ATG16L2: variants seen among roughly 807,000 people sequenced by gnomAD.
ATG16L2 encodes protein Atg16l2.
Under a neutral mutation model 84.7 loss-of-function variants are expected in ATG16L2, and 77 were observed. That is an observed-to-expected ratio of 0.91 (90% CI 0.76 to 1.10). The LOEUF is 1.10. ATG16L2 is among the 50% of genes least tolerant of loss of function. The probability of loss-of-function intolerance (pLI) is 0.00; values close to 1 mark genes in which losing one functional copy is unlikely to be tolerated. For missense variants in ATG16L2, 782 were observed against 817.6 expected, an observed-to-expected ratio of 0.96 and a Z score of 0.53; for synonymous variants, 361 against 342.8, an observed-to-expected ratio of 1.05 and a Z score of -0.59.
At chr11:72,825,766 G>A (rs1860311292) in intron 10 of ATG16L2, among the ~76,000 whole-genome samples, 1 of 152,118 alleles carries the variant, frequency 6.6e-6, no homozygotes, top group Admixed American at 6.5e-5. Context: ...TGAGCTCTCA[G>A]AACTCAGGTA....
chr11:72,832,651 C>T (rs992969969), downstream of ATG16L2, among the ~76,000 whole-genome samples: 18 of 152,216 alleles, frequency 1.2e-4, no homozygotes, highest in Non-Finnish European at 1.9e-4. Flanking sequence ...TGCCTGAATT[C>T]GGGTGCCTAG....
chr11:72,824,169 C>T, intron 8 of ATG16L2, 47 bp downstream of exon 8: 1 of 1,610,686 alleles, frequency 6.2e-7, no homozygotes, highest in Non-Finnish European at 8.5e-7. Flanking sequence ...GTGTCGGGCT[C>T]CCCAGCCCAG....
rs748364499 is a variant in ATG16L2 at position 72,822,378 on chromosome 11, A to AG, written c.644+89dup. On this transcript the variant is annotated intron_variant, in intron 5 of 17. Transcript: ENST00000321297. This position sits in a 1 kb window ranked among gnomAD's most constrained non-coding sequence, Gnocchi z 4.2. Reference sequence around the variant, plus strand: ...CGGGCCTCGCCGGTGTCTGGAAGGGAGGGGGGCAGCAGCCGCCCCCTGGAG... The same window carrying AG: ...CGGGCCTCGCCGGTGTCTGGAAGGGAGGGGGGGCAGCAGCCGCCCCCTGGAG... 5.9e-5 allele frequency: 93 copies of AG among 1,580,386 alleles called. No homozygotes were observed. In the African/African-American group the frequency reaches 8.9e-4, roughly 15 times the overall value.
chr11:72,831,461 C>T (rs1020931682), downstream of ATG16L2, among the ~76,000 whole-genome samples: 7 of 152,204 alleles, frequency 4.6e-5, no homozygotes, highest in Non-Finnish European at 8.8e-5. Context: ...GCTGAGAATG[C>T]GCCATTGCAC....
chr11:72,830,724 A>C (rs541793322), downstream of ATG16L2, among the ~76,000 whole-genome samples: 1 of 152,350 alleles, frequency 6.6e-6, no homozygotes, highest in African/African-American at 2.4e-5. Flanking sequence ...CAACCCCAGC[A>C]TGAAATCTGG....
chr11:72,824,662 A>G, intron 8 of ATG16L2, 72 bp from the exon 9 acceptor site: 1 of 1,086,208 alleles, frequency 9.2e-7, no homozygotes, highest in East Asian at 2.4e-5. Flanking sequence ...TTGATGCCTC[A>G]GGGGAGCTGG....
At chr11:72,826,441 G>C (rs1591311179) in intron 11 of ATG16L2, 77 bp from the exon 12 acceptor site, 1 of 1,566,156 alleles carries the variant, frequency 6.4e-7, no homozygotes, top group Middle Eastern at 2.2e-4. Flanking sequence ...CTGTGAGGCA[G>C]CCCCTAGCCT....
At chr11:72,830,485 T>TTTGTTGTTG (rs975422985), downstream of ATG16L2, among the ~76,000 whole-genome samples, 4 of 152,234 alleles carry the variant, frequency 2.6e-5, no homozygotes, top group East Asian at 7.7e-4. Flanking sequence ...CAGAGTGACT[T>TTTGTTGTTG]TTGTTGTTGT....
At position 72,821,749 on chromosome 11, in the gene ATG16L2, G is replaced by A; in HGVS notation, c.392+8G>A. On this transcript the variant is annotated splice_region_variant and intron_variant, in intron 4 of 17. Transcript: ENST00000321297. ...GCAGCAGAGGCAAAGCAGGTGAGGC[G>A]CGGGCGGGGGCGGGAGGGACCGCGC... 2 of 1,534,722 alleles carry A rather than the reference G, an allele frequency of 1.3e-6. No individual in the cohort carries two copies. Among genetic ancestry groups the A allele is most frequent in the Non-Finnish European group, 1.7e-6 (2 of 1,145,678 alleles).
chr11:72,819,934 A>T (rs1047741608), intron 3 of ATG16L2, among the ~76,000 whole-genome samples: 2 of 151,858 alleles, frequency 1.3e-5, no homozygotes, highest in African/African-American at 2.4e-5. Context: ...TTTAGTAGAG[A>T]TGGGGTTTCA....
chr11:72,826,325 G>A, intron 11 of ATG16L2, 82 bp downstream of exon 11: 3 of 1,489,718 alleles, frequency 2.0e-6, no homozygotes, highest in South Asian at 1.2e-5. Context: ...GGGACCTGAG[G>A]GCGCAACATG....
exon 6 of ATG16L2, chr11:72,843,424 G>A: frequency 6.2e-7 from 1 of 1,606,972 alleles, no homozygotes; most frequent in South Asian, 1.1e-5. Flanking sequence ...TCACAAGAAA[G>A]GGCGATATGA....
At position 72,822,004 on chromosome 11, in the gene ATG16L2, G is replaced by A; in HGVS notation, c.393-40G>A. The stretch of plus-strand genomic sequence containing the variant: ...CATATTCCCACTGGGCAGTGACGGG[G>A]GAAGCTTGGGACCCGCTATCCGCTC... On this transcript the variant is annotated intron_variant, in intron 4 of 17. Transcript: ENST00000321297. The surrounding 1 kb of genome is among the most constrained non-coding windows in gnomAD (Gnocchi z 4.2). 2.0e-6 allele frequency: 3 copies of A among 1,471,330 alleles called. No homozygotes were observed. The highest frequency in any genetic ancestry group is 2.7e-6 in the Non-Finnish European group (3 of 1,123,782). 91.1% of individuals were successfully genotyped at this position (1,471,330 alleles called of 1,614,324 possible). A position where few individuals can be genotyped will look rare whatever the true frequency, so the allele number is the denominator to read the frequency against.
At chr11:72,825,540 A>G in intron 10 of ATG16L2, 133 bp downstream of exon 10, 1 of 705,766 alleles carries the variant, frequency 1.4e-6, no homozygotes, top group East Asian at 2.7e-5. Context: ...CAGTGACTAG[A>G]CAATGCCTTG....
chr11:72,820,953 T>C (rs988665326), intron 3 of ATG16L2, among the ~76,000 whole-genome samples: 8 of 152,078 alleles, frequency 5.3e-5, no homozygotes, highest in African/African-American at 1.7e-4. Flanking sequence ...GCTCCCCGAG[T>C]CCATGCCTGA....
downstream of ATG16L2, among the ~76,000 whole-genome samples, chr11:72,831,695 G>A (rs765299930): frequency 4.1e-4 from 63 of 152,136 alleles, no homozygotes; most frequent in Non-Finnish European, 8.7e-4. Context: ...ACACATGGCT[G>A]GGGAGACCGA....
intron 3 of ATG16L2, chr11:72,821,444 C>G (rs1591300402): frequency 1.5e-6 from 2 of 1,365,588 alleles, no homozygotes; most frequent in East Asian, 2.8e-5. Context: ...AGCGGCACGG[C>G]GAGGATTGGG....
At chr11:72,824,485 C>CCT in intron 8 of ATG16L2, 1 of 569,012 alleles carries the variant, frequency 1.8e-6, no homozygotes, top group Non-Finnish European at 3.1e-6. Flanking sequence ...GAAACCCCGG[C>CCT]CCTGAGGTTT....
exon 6 of ATG16L2, chr11:72,843,509 G>A: frequency 6.2e-7 from 1 of 1,613,580 alleles, no homozygotes; most frequent in Non-Finnish European, 8.5e-7. Flanking sequence ...GTTCCTCAAT[G>A]GTCAACTCAT....
Sources: allele counts gnomAD v4.1 joint callset (sites outside exome capture counted in the v4.1 genomes callset), GRCh38; gene constraint gnomAD v4.1.1; non-coding constraint Gnocchi (gnomAD v3.1); transcripts MANE v1.5; gene names NCBI Gene and HGNC (gene_info 2026-07-23, HGNC 2026-07-21).